The following SPAG16 variants were observed in gnomAD, a reference collection of about 807,000 sequenced individuals.
The protein encoded by SPAG16 is sperm-associated antigen 16 protein.
SPAG16 carries 86 observed loss-of-function variants against 80.4 expected under a neutral mutation model. That is an observed-to-expected ratio of 1.07 (90% CI 0.90 to 1.28). SPAG16 has a LOEUF of 1.28. Among genes scored for constraint, SPAG16 ranks in the 50% most tolerant of loss-of-function variants. The pLI is 0.00. For missense variants in SPAG16, 870 were observed against 765.3 expected, an observed-to-expected ratio of 1.14 and a Z score of -1.61; for synonymous variants, 294 against 265.9, an observed-to-expected ratio of 1.11 and a Z score of -1.03.
chr2:213,619,152 TG>T (rs1406342700), intron 10 of SPAG16, among the ~76,000 whole-genome samples: 4 of 152,188 alleles, frequency 2.6e-5, no homozygotes, highest in Non-Finnish European at 5.9e-5. Context: ...GTATCAGATC[TG>T]AAACTTTATA....
At chr2:214,356,299 T>C (rs1234642788) in intron 15 of SPAG16, among the ~76,000 whole-genome samples, 1 of 152,154 alleles carries the variant, frequency 6.6e-6, no homozygotes, top group East Asian at 1.9e-4. Context: ...GTCCTTTTGA[T>C]CAATGTCAGA....
At chr2:213,641,711 A>C (rs891869469) in intron 10 of SPAG16, among the ~76,000 whole-genome samples, 4 of 152,146 alleles carry the variant, frequency 2.6e-5, no homozygotes, top group Non-Finnish European at 5.9e-5. Flanking sequence ...TTCTCTTGTG[A>C]TCCTTATTTT....
intron 12 of SPAG16, among the ~76,000 whole-genome samples, chr2:213,989,206 ACT>A (rs958004806): frequency 2.0e-5 from 3 of 152,078 alleles, no homozygotes; most frequent in South Asian, 2.1e-4. Context: ...GTGGGCCCTG[ACT>A]CTGTAGCTTG....
intron 5 of SPAG16, among the ~76,000 whole-genome samples, chr2:213,335,808 A>C (rs1364397469): frequency 6.6e-6 from 1 of 152,116 alleles, no homozygotes; most frequent in African/African-American, 2.4e-5. Context: ...CGTGTAATGA[A>C]AACTACAAAA....
At chr2:214,194,624 A>G (rs77327935) in intron 15 of SPAG16, among the ~76,000 whole-genome samples, 1 of 152,090 alleles carries the variant, frequency 6.6e-6, no homozygotes, top group South Asian at 2.1e-4. Flanking sequence ...TCAAATAAAT[A>G]TTCTCATTTT....
rs1248063878 is a variant in SPAG16 at position 213,839,367 on chromosome 2, A to G, written c.1071-23118A>G. On this transcript the variant is annotated intron_variant, in intron 10 of 15. Transcript: ENST00000331683. ...ATTAAAAATGTATTTTTTCCTCTCT[A>G]CATATATGAGAAAACATTTTTTTAT... Among the ~76,000 whole-genome samples, 3 of 152,306 alleles carry G rather than the reference A, an allele frequency of 2.0e-5. No individual in the cohort carries two copies. In the East Asian group the frequency reaches 5.8e-4, roughly 29 times the overall value.
chr2:213,443,380 A>C (rs1371764727), intron 9 of SPAG16, among the ~76,000 whole-genome samples: 1 of 152,112 alleles, frequency 6.6e-6, no homozygotes, highest in South Asian at 2.1e-4. Flanking sequence ...TAGATTCTAC[A>C]TATAAGTGAT....
chr2:213,842,221 A>G (rs1465089237), intron 10 of SPAG16, among the ~76,000 whole-genome samples: 1 of 152,198 alleles, frequency 6.6e-6, no homozygotes, highest in Non-Finnish European at 1.5e-5. Flanking sequence ...CTGGATTAGT[A>G]ATACAGGCAA....
chr2:213,537,804 C>T (rs2076302115), intron 10 of SPAG16, among the ~76,000 whole-genome samples: 1 of 152,214 alleles, frequency 6.6e-6, no homozygotes, highest in African/African-American at 2.4e-5. Context: ...CAGTTACCTA[C>T]TTCTCTGATG....
intron 15 of SPAG16, among the ~76,000 whole-genome samples, chr2:214,165,786 A>C (rs900698441): frequency 6.6e-6 from 1 of 152,016 alleles, no homozygotes; most frequent in East Asian, 1.9e-4. Flanking sequence ...CCAGATTAGC[A>C]TACTGCTCCA....
intron 12 of SPAG16, among the ~76,000 whole-genome samples, chr2:213,933,401 C>T (rs1051314790): frequency 1.3e-5 from 2 of 152,154 alleles, no homozygotes; most frequent in African/African-American, 4.8e-5. Context: ...AATGCATCTA[C>T]CATTTATATT....
At chr2:214,024,397 A>G (rs1389645088) in intron 13 of SPAG16, among the ~76,000 whole-genome samples, 1 of 151,636 alleles carries the variant, frequency 6.6e-6, no homozygotes, top group Non-Finnish European at 1.5e-5. Context: ...TGAAATTTAG[A>G]TATAGTAAAT....
At chr2:213,934,663 A>G (rs1390623911) in intron 12 of SPAG16, among the ~76,000 whole-genome samples, 2 of 152,182 alleles carry the variant, frequency 1.3e-5, no homozygotes, top group Non-Finnish European at 2.9e-5. Flanking sequence ...TATTAGCCTC[A>G]ATTAGTTAAG....
At chr2:214,045,411 GC>G (rs1269087948) in intron 13 of SPAG16, among the ~76,000 whole-genome samples, 6 of 152,202 alleles carry the variant, frequency 3.9e-5, no homozygotes, top group Non-Finnish European at 7.4e-5. Flanking sequence ...TATGCCATTG[GC>G]CTTGGATGAC....
At chr2:214,103,968 A>G (rs72937973) in intron 13 of SPAG16, among the ~76,000 whole-genome samples, 1 of 89,670 alleles carries the variant, frequency 1.1e-5, no homozygotes, top group African/African-American at 4.4e-5. Context: ...AGACAGTGAG[A>G]GAGGGAGGGA....
Position 213,869,291 on chromosome 2 carries a change from A to ATATGTGTG in SPAG16, c.1214+6664_1214+6665insATGTGTGT, listed in dbSNP as rs1449042675. 4.8e-4 allele frequency among the ~76,000 whole-genome samples: 59 copies of ATATGTGTG among 123,248 alleles called. 1 individual carries two copies. In the East Asian group the frequency reaches 6.7e-3, roughly 14 times the overall value. 80.9% of individuals were successfully genotyped at this position (123,248 alleles called of 152,430 possible). ...TATATATATATATATGTATATATAT[A>ATATGTGTG]TGTATATATATATATAATATGTATA... On this transcript the variant is annotated intron_variant, in intron 11 of 15. Transcript: ENST00000331683.
intron 10 of SPAG16, among the ~76,000 whole-genome samples, chr2:213,725,770 G>A (rs1450955688): frequency 6.6e-6 from 1 of 152,220 alleles, no homozygotes; most frequent in East Asian, 1.9e-4. Context: ...TTCTATGTAT[G>A]TAACAACATG....
chr2:213,769,811 C>G (rs2069141779), intron 10 of SPAG16, among the ~76,000 whole-genome samples: 2 of 152,142 alleles, frequency 1.3e-5, no homozygotes, highest in South Asian at 4.1e-4. Flanking sequence ...TTCATATACC[C>G]ATATACAGTT....
chr2:214,139,441 A>T (rs895410745), intron 14 of SPAG16, among the ~76,000 whole-genome samples: 1 of 151,712 alleles, frequency 6.6e-6, no homozygotes, highest in South Asian at 2.1e-4. Context: ...GATTTTGTTG[A>T]TGTTATCTCT....
Sources: gnomAD v4.1 joint callset for allele counts (sites outside exome capture counted in the v4.1 genomes callset) on GRCh38, gnomAD v4.1.1 for gene constraint, MANE v1.5 for transcripts, NCBI Gene and HGNC (gene_info 2026-07-23, HGNC 2026-07-21) for gene names.